The following ANO10 variants were observed in gnomAD, a reference collection of about 807,000 sequenced individuals.
ANO10 encodes the protein anoctamin-10.
A neutral mutation model predicts 74.7 loss-of-function variants in ANO10; 77 were observed. The ratio of observed to expected loss-of-function variants is 1.03; its 90% CI spans 0.86 to 1.25. ANO10 has a LOEUF of 1.25. Ranked by LOEUF, ANO10 falls within the 50% of genes most tolerant of loss-of-function variation. ANO10 has a pLI of 0.00. For missense variants in ANO10, 721 were observed against 778.1 expected, an observed-to-expected ratio of 0.93 and a Z score of 0.87; for synonymous variants, 279 against 284.9, an observed-to-expected ratio of 0.98 and a Z score of 0.21.
At chr3:43,578,637 C>A (rs2081121266) in intron 5 of ANO10, among the ~76,000 whole-genome samples, 1 of 150,780 alleles carries the variant, frequency 6.6e-6, no homozygotes, top group Non-Finnish European at 1.5e-5. Flanking sequence ...GTAGTCCCAG[C>A]TACTCAGGAG....
At position 43,667,499 on chromosome 3, in the gene ANO10, C is replaced by A. The variant is rs184881783; in HGVS notation, c.-12+24018G>T. ...TGGTTTTTTCTTACATAGGTAAGTTCTTTAGTGGTGATTTCTGAGATTTTA... is the reference window on the plus strand; with the variant it reads ...TGGTTTTTTCTTACATAGGTAAGTTATTTAGTGGTGATTTCTGAGATTTTA... On this transcript the variant is annotated intron_variant, in intron 1 of 3. Transcript: ENST00000413397. Among the ~76,000 whole-genome samples, 392 of 152,086 alleles carry A rather than the reference C, an allele frequency of 2.6e-3. 1 individual carries two copies. The highest frequency in any genetic ancestry group is 6.8e-3 in the Middle Eastern group (2 of 294).
chr3:43,432,205 C>T (rs924352030), intron 12 of ANO10, among the ~76,000 whole-genome samples: 1 of 150,274 alleles, frequency 6.7e-6, no homozygotes, highest in Non-Finnish European at 1.5e-5. Context: ...GCTGCTTCTA[C>T]ACACCTGATC....
chr3:43,553,117 T>C (rs2079562582), intron 10 of ANO10, among the ~76,000 whole-genome samples: 2 of 152,114 alleles, frequency 1.3e-5, no homozygotes, highest in African/African-American at 4.8e-5. Context: ...GACAATACTT[T>C]AAGGACCTGA....
upstream of ANO10, among the ~76,000 whole-genome samples, chr3:43,626,020 G>A (rs1559796738): frequency 2.6e-5 from 4 of 151,286 alleles, no homozygotes; most frequent in Non-Finnish European, 4.4e-5. Flanking sequence ...TGCAACTTCC[G>A]CCTCACGGGT....
At chr3:43,605,893 T>TG (rs2082541734) in intron 1 of ANO10, 30 bp from the exon 2 acceptor site, 1 of 1,607,788 alleles carries the variant, frequency 6.2e-7, no homozygotes, top group Admixed American at 1.7e-5. Context: ...AGAGTGAAAA[T>TG]GGGTTGTTAT....
At chr3:43,687,440 A>G (rs72622913) in intron 1 of ANO10, among the ~76,000 whole-genome samples, 16,149 of 152,038 alleles carry the variant, frequency 0.11, 1,224 homozygotes, top group South Asian at 0.23. Flanking sequence ...GGGAACTACT[A>G]TTGGAGGGCT....
chr3:43,566,004 A>C (rs7616890), intron 7 of ANO10, among the ~76,000 whole-genome samples: 1 of 152,006 alleles, frequency 6.6e-6, no homozygotes, highest in Non-Finnish European at 1.5e-5. Flanking sequence ...GAAGCAGGGC[A>C]AGGCATTGCC....
chr3:43,600,735 A>T (rs2149482523), intron 2 of ANO10, among the ~76,000 whole-genome samples, 154 bp from the exon 3 acceptor site: 1 of 152,314 alleles, frequency 6.6e-6, no homozygotes, highest in African/African-American at 2.4e-5. Context: ...ACATAAGTAC[A>T]TTAGGGATGG....
intron 12 of ANO10, among the ~76,000 whole-genome samples, chr3:43,431,436 T>C (rs1185639082): frequency 6.6e-6 from 1 of 151,870 alleles, no homozygotes; most frequent in Non-Finnish European, 1.5e-5. Context: ...CTCTTCCTCT[T>C]ATACAACTGC....
intron 1 of ANO10, among the ~76,000 whole-genome samples, chr3:43,657,294 C>T (rs939145645): frequency 2.0e-5 from 3 of 152,222 alleles, no homozygotes; most frequent in African/African-American, 7.2e-5. Flanking sequence ...GCAATAATGA[C>T]ATCAATTGTA....
intron 11 of ANO10, among the ~76,000 whole-genome samples, chr3:43,502,350 G>GA (rs780478441): frequency 1.3e-5 from 2 of 152,180 alleles, no homozygotes; most frequent in Non-Finnish European, 2.9e-5. Flanking sequence ...GATTCCTCAT[G>GA]AAAGGTTTGG....
At chr3:43,687,828 T>G (rs1171463212) in intron 1 of ANO10, among the ~76,000 whole-genome samples, 2 of 151,940 alleles carry the variant, frequency 1.3e-5, no homozygotes, top group African/African-American at 4.8e-5. Context: ...GTGGTTAAAG[T>G]ATGTGGGGCC....
intron 4 of ANO10, among the ~76,000 whole-genome samples, chr3:43,584,609 G>A (rs751673145): frequency 6.6e-6 from 1 of 152,060 alleles, no homozygotes; most frequent in Non-Finnish European, 1.5e-5. Flanking sequence ...TTCAGCTATC[G>A]GCTCATCCAC....
intron 1 of ANO10, among the ~76,000 whole-genome samples, chr3:43,681,853 C>A (rs1232331610): frequency 6.6e-6 from 1 of 152,142 alleles, no homozygotes; most frequent in African/African-American, 2.4e-5. Flanking sequence ...GAAATGAAGG[C>A]AGAAATAAAG....
intron 1 of ANO10, among the ~76,000 whole-genome samples, chr3:43,612,147 T>TATATATAC (rs2082858082): frequency 1.7e-5 from 1 of 57,998 alleles, no homozygotes; most frequent in South Asian, 5.0e-4. Context: ...ATTTTATATA[T>TATATATAC]ATATATATAT....
intron 11 of ANO10, among the ~76,000 whole-genome samples, chr3:43,452,168 A>T (rs915141256): frequency 6.6e-6 from 1 of 152,144 alleles, no homozygotes; most frequent in Non-Finnish European, 1.5e-5. Context: ...TCTTGTTTTT[A>T]AAAAAACCAA....
Position 43,577,017 on chromosome 3 carries a change from T to C in ANO10, c.837A>G (p.Arg279=), listed in dbSNP as rs374795191. The change falls in exon 6 of 13, where the codon AGA becomes AGG. Residue 279 remains arginine, a synonymous_variant. Coordinates refer to ENST00000292246, the MANE Select transcript of ANO10 (RefSeq NM_018075.5). The part of the protein sequence containing the change: ...TYRWGTLLMK[R]KFEEPRPGFH... ...ATCCTGGCCGGGGCTCCTCAAACTT[T>C]CTCTTCATGAGCAGTGTCCCCCACC... 1 of 1,613,828 alleles carries C rather than the reference T, an allele frequency of 6.2e-7. No individual in the cohort carries two copies. Among genetic ancestry groups the C allele is most frequent in the Admixed American group, 1.7e-5 (1 of 60,010 alleles).
intron 11 of ANO10, among the ~76,000 whole-genome samples, chr3:43,455,985 A>T (rs1397923905): frequency 6.6e-6 from 1 of 152,216 alleles, no homozygotes; most frequent in East Asian, 1.9e-4. Context: ...CGATGGGATA[A>T]AGAAAAGCAA....
intron 1 of ANO10, among the ~76,000 whole-genome samples, chr3:43,616,592 G>A (rs974117360): frequency 6.6e-6 from 1 of 152,142 alleles, no homozygotes; most frequent in Admixed American, 6.5e-5. Flanking sequence ...AAGCTGGTAA[G>A]CCTAGCCCCT....
Sources: gnomAD v4.1 joint callset for allele counts (sites outside exome capture counted in the v4.1 genomes callset) on GRCh38, gnomAD v4.1.1 for gene constraint, MANE v1.5 for transcripts, NCBI Gene and HGNC (gene_info 2026-07-23, HGNC 2026-07-21) for gene names.